Variants in GRIN3A observed in about 807,000 individuals in gnomAD.
GRIN3A encodes the protein glutamate receptor ionotropic, NMDA 3A.
In GRIN3A, 47 loss-of-function variants were observed where a neutral mutation model predicts 92.4. The ratio of observed to expected loss-of-function variants is 0.51; its 90% CI spans 0.40 to 0.65. The LOEUF is 0.65. Ranked by LOEUF, GRIN3A falls within the 30% of genes least tolerant of loss-of-function variation. The pLI, the probability that GRIN3A is intolerant of heterozygous loss-of-function variation, is 0.00. For missense variants in GRIN3A, 1,324 were observed against 1,393.1 expected (o/e 0.95, Z 0.79); for synonymous variants, 527 against 540.6 (o/e 0.97, Z 0.35).
At chr9:101,643,908 G>A (rs184453534) in intron 3 of GRIN3A, among the ~76,000 whole-genome samples, 22 of 151,634 alleles carry the variant, frequency 1.5e-4, no homozygotes, top group Admixed American at 8.5e-4. Flanking sequence ...AGAGGATGGC[G>A]GGATATTCAT....
chr9:101,628,898 T>G (rs769629883), intron 3 of GRIN3A, among the ~76,000 whole-genome samples: 1 of 152,238 alleles, frequency 6.6e-6, no homozygotes, highest in Non-Finnish European at 1.5e-5. Context: ...TTATTGAATT[T>G]ATTTTTAGTG....
chr9:101,585,877 T>C (rs1291571834), intron 6 of GRIN3A, among the ~76,000 whole-genome samples: 32 of 152,188 alleles, frequency 2.1e-4, no homozygotes, highest in Admixed American at 2.1e-3. Context: ...CGGAGTAAAT[T>C]CAGAGTCCTT....
chr9:101,625,359 A>G (rs1186531005), intron 4 of GRIN3A, among the ~76,000 whole-genome samples: 1 of 152,148 alleles, frequency 6.6e-6, no homozygotes, highest in East Asian at 1.9e-4. Context: ...TTCTAAACAG[A>G]GGAGAATATG....
chr9:101,684,992 A>G (rs948634084), intron 2 of GRIN3A, among the ~76,000 whole-genome samples: 2 of 152,200 alleles, frequency 1.3e-5, no homozygotes, highest in African/African-American at 4.8e-5. Flanking sequence ...AGTAGATTAA[A>G]TCTGGAGAGT....
chr9:101,599,577 C>G (rs368539720), intron 6 of GRIN3A, among the ~76,000 whole-genome samples: 72 of 152,230 alleles, frequency 4.7e-4, no homozygotes, highest in African/African-American at 1.6e-3. Flanking sequence ...TTCACTGAAG[C>G]AAGTAAATTA....
At chr9:101,608,371 A>G (rs935570964) in intron 6 of GRIN3A, among the ~76,000 whole-genome samples, 2 of 152,300 alleles carry the variant, frequency 1.3e-5, no homozygotes, top group East Asian at 3.9e-4. Context: ...AGCTGACTAC[A>G]TCTAGAATTT....
At chr9:101,724,274 A>G (rs901010020) in intron 1 of GRIN3A, among the ~76,000 whole-genome samples, 2 of 152,186 alleles carry the variant, frequency 1.3e-5, no homozygotes, top group African/African-American at 4.8e-5. Flanking sequence ...GAAGGCAGCT[A>G]AGGCCCGGCG....
Position 101,628,260 on chromosome 9 carries a change from G to C in GRIN3A, c.2494C>G (p.Leu832Val), listed in dbSNP as rs775319083. 1 of 1,613,720 alleles carries C rather than the reference G, an allele frequency of 6.2e-7. No homozygotes were observed. Among genetic ancestry groups the C allele is most frequent in the African/African-American group, 1.3e-5 (1 of 74,908 alleles). Residue 832 changes from leucine to valine, a missense_variant, in exon 4 of 9, where the codon CTG (leucine) becomes GTG (valine). Physicochemically the swap from Leu to Val is conservative, Grantham distance 32 (BLOSUM62 1). Transcript: ENST00000361820. ...VPATPDGVEYLKNDPEKLDAF... is the reference protein window; with the variant it reads ...VPATPDGVEYVKNDPEKLDAF... ...ATCCAAGAGGTTGACACTCACTTCA[G>C]ATACTCCACTCCATCAGGGGTGGCT...
At chr9:101,715,215 A>AAG (rs1255248602) in intron 1 of GRIN3A, among the ~76,000 whole-genome samples, 7 of 151,260 alleles carry the variant, frequency 4.6e-5, no homozygotes, top group African/African-American at 7.3e-5. Context: ...AAAAAAAAAA[A>AAG]AAAAGAAAAT....
intron 6 of GRIN3A, 127 bp downstream of exon 6, chr9:101,613,249 C>T: frequency 1.9e-6 from 2 of 1,041,676 alleles, no homozygotes; most frequent in African/African-American, 1.6e-5. Flanking sequence ...AAAAAATAAT[C>T]CAAATATTAT....
At chr9:101,616,871 C>A (rs1564127305) in intron 5 of GRIN3A, among the ~76,000 whole-genome samples, 2 of 141,926 alleles carry the variant, frequency 1.4e-5, no homozygotes, top group Non-Finnish European at 1.5e-5. Flanking sequence ...TGCACATGTA[C>A]CCTAAAACTT....
chr9:101,689,716 A>G (rs539194783), intron 1 of GRIN3A, among the ~76,000 whole-genome samples: 13 of 150,726 alleles, frequency 8.6e-5, no homozygotes, highest in African/African-American at 3.2e-4. Flanking sequence ...ACACATATGC[A>G]CATGCATACA....
intron 3 of GRIN3A, among the ~76,000 whole-genome samples, chr9:101,668,937 T>G (rs2118947633): frequency 6.6e-6 from 1 of 152,276 alleles, no homozygotes; most frequent in South Asian, 2.1e-4. Context: ...TAATAGTAAC[T>G]TATAGTAAAT....
intron 3 of GRIN3A, among the ~76,000 whole-genome samples, chr9:101,641,252 G>GAA (rs998118116): frequency 1.7e-4 from 26 of 152,184 alleles, no homozygotes; most frequent in Admixed American, 7.9e-4. Flanking sequence ...TCTAGAACTA[G>GAA]AAATACCATT....
intron 5 of GRIN3A, among the ~76,000 whole-genome samples, chr9:101,618,060 C>T (rs1241682405): frequency 6.6e-6 from 1 of 151,882 alleles, no homozygotes; most frequent in Non-Finnish European, 1.5e-5. Context: ...AAGACTTAAA[C>T]ATTAGACCTA....
At chr9:101,651,906 C>T (rs1829019848) in intron 3 of GRIN3A, among the ~76,000 whole-genome samples, 3 of 151,840 alleles carry the variant, frequency 2.0e-5, no homozygotes, top group Admixed American at 6.6e-5. Flanking sequence ...TTAGTTTTGG[C>T]CTATTATAAG....
At chr9:101,579,073 G>A (rs1483439872) in intron 7 of GRIN3A, 123 bp downstream of exon 7, 2 of 970,880 alleles carry the variant, frequency 2.1e-6, no homozygotes, top group East Asian at 2.5e-5. Flanking sequence ...TAATGAGAGT[G>A]CCTACCCCAC....
intron 2 of GRIN3A, among the ~76,000 whole-genome samples, chr9:101,681,594 C>G (rs939694886): frequency 6.6e-6 from 1 of 152,192 alleles, no homozygotes; most frequent in African/African-American, 2.4e-5. Flanking sequence ...ACCTAAAACC[C>G]CTTTTCATTT....
chr9:101,572,764 G>T lies in GRIN3A; in HGVS notation c.*410C>A. The T allele has an allele frequency of 4.5e-6, 1 of 223,890 alleles. No individual in the cohort carries two copies. Among genetic ancestry groups the T allele is most frequent in the South Asian group, 7.3e-5 (1 of 13,628 alleles). The allele number at this position is 223,890 out of a possible 1,614,324, so 13.9% of individuals were successfully genotyped here. On this transcript the variant is annotated 3_prime_UTR_variant, in exon 9 of 9. Coordinates refer to ENST00000361820, the MANE Select transcript of GRIN3A (RefSeq NM_133445.3). ...AAAAGCTACAACCCTAGATAACCTC[G>T]TTCTGTGTTACGATGAAAACCAGCA...
Sources: allele counts gnomAD v4.1 joint callset (sites outside exome capture counted in the v4.1 genomes callset), GRCh38; gene constraint gnomAD v4.1.1; transcripts MANE v1.5; gene names NCBI Gene and HGNC (gene_info 2026-07-23, HGNC 2026-07-21).